The following HS6ST2 variants were observed in gnomAD, a reference collection of about 807,000 sequenced individuals.
HS6ST2 encodes the protein heparan-sulfate 6-O-sulfotransferase 2.
Under a neutral mutation model 33.0 loss-of-function variants are expected in HS6ST2, and 17 were observed. That is an observed-to-expected ratio of 0.52 (90% CI 0.35 to 0.77). The LOEUF (loss-of-function observed/expected upper bound fraction) is 0.77. Among genes scored for constraint, HS6ST2 ranks in the 30% least tolerant of loss-of-function variants. The probability of loss-of-function intolerance (pLI) is 0.01; values close to 1 mark genes in which losing one functional copy is unlikely to be tolerated. For missense variants in HS6ST2, 519 were observed against 551.7 expected (o/e 0.94, Z 0.59); for synonymous variants, 248 against 237.1 (o/e 1.05, Z -0.42).
At position 132,861,626 on chromosome X, in the gene HS6ST2, A is replaced by T. The variant is rs774499507; in HGVS notation, c.947+95182T>A. Among the ~76,000 whole-genome samples the T allele has an allele frequency of 2.7e-5, 3 of 112,642 alleles. No homozygotes were observed. The East Asian group carries it at 8.3e-4, about 31-fold the overall frequency. On this transcript the variant is annotated intron_variant, in intron 2 of 4. Coordinates refer to ENST00000370833, the MANE Select transcript of HS6ST2 (RefSeq NM_001394073.1). ...GCTAATTCAAAAGGCATAAGATGCT[A>T]TCTTGTCATCACTTAATTTGTACCT...
At chrX:132,928,700 T>C (rs1448972408) in intron 2 of HS6ST2, among the ~76,000 whole-genome samples, 3 of 111,163 alleles carry the variant, frequency 2.7e-5, no homozygotes, top group Non-Finnish European at 5.7e-5. Context: ...ACCTTTATCA[T>C]AGCACCGAAT....
chrX:132,907,850 T>C (rs910630768), intron 2 of HS6ST2, among the ~76,000 whole-genome samples: 6 of 112,419 alleles, frequency 5.3e-5, no homozygotes, highest in Admixed American at 2.8e-4. Context: ...TAAATCTTCA[T>C]GTCCTTGGAT....
chrX:132,871,380 C>G (rs992152077), intron 2 of HS6ST2, among the ~76,000 whole-genome samples: 13 of 112,006 alleles, frequency 1.2e-4, no homozygotes, highest in Non-Finnish European at 5.6e-5. Context: ...GGCAATTCCT[C>G]AAGGATCTAG....
intron 2 of HS6ST2, among the ~76,000 whole-genome samples, chrX:132,753,851 A>C (rs757227420): frequency 1.3e-3 from 144 of 112,111 alleles, no homozygotes; most frequent in Non-Finnish European, 2.1e-3. Flanking sequence ...TTTTCAAAGA[A>C]TGTTTTGTAT....
chrX:132,873,104 C>T (rs139414240), intron 2 of HS6ST2, among the ~76,000 whole-genome samples: 1 of 111,689 alleles, frequency 9.0e-6, no homozygotes, highest in African/African-American at 3.3e-5. Flanking sequence ...CTGGTAAACA[C>T]TGAAATATGT....
chrX:132,813,187 T>C (rs2065364908), intron 2 of HS6ST2, among the ~76,000 whole-genome samples: 1 of 111,673 alleles, frequency 9.0e-6, no homozygotes, highest in Non-Finnish European at 1.9e-5. Flanking sequence ...TATTACTCAA[T>C]AACCTCTTTA....
intron 4 of HS6ST2, among the ~76,000 whole-genome samples, chrX:132,657,329 G>C (rs2063737704): frequency 9.0e-6 from 1 of 111,240 alleles, no homozygotes; most frequent in Non-Finnish European, 1.9e-5. Flanking sequence ...ACAAAGCTGG[G>C]TATGTGTAGT....
At position 132,839,307 on chromosome X, in the gene HS6ST2, TATATATATAC is replaced by T. The variant is rs1214211730; in HGVS notation, c.947+117491_947+117500del. Among the ~76,000 whole-genome samples the T allele has an allele frequency of 1.1e-3, 30 of 26,289 alleles. 2 individuals are homozygous for T. Among genetic ancestry groups the T allele is most frequent in the African/African-American group, 5.3e-3 (18 of 3,405 alleles). 22.8% of individuals were successfully genotyped at this position (26,289 alleles called of 115,157 possible). On this transcript the variant is annotated intron_variant, in intron 2 of 4. Coordinates refer to ENST00000370833, the MANE Select transcript of HS6ST2 (RefSeq NM_001394073.1). ...ATATATATATATATATATATATATA[TATATATATAC>T]ACACACATGTATGTATATACACACA...
chrX:132,743,849 C>T (rs2064607951), intron 2 of HS6ST2, among the ~76,000 whole-genome samples: 1 of 111,912 alleles, frequency 8.9e-6, no homozygotes, highest in Admixed American at 9.5e-5. Flanking sequence ...CTTACTGCAG[C>T]CTCAATCTCC....
At chrX:132,902,844 A>G (rs986807244) in intron 2 of HS6ST2, among the ~76,000 whole-genome samples, 11 of 69,141 alleles carry the variant, frequency 1.6e-4, no homozygotes, top group African/African-American at 6.1e-4. Flanking sequence ...CACAACTAAC[A>G]TCAGACTCCA....
intron 2 of HS6ST2, among the ~76,000 whole-genome samples, chrX:132,880,993 G>A (rs377078596): frequency 1.0e-4 from 11 of 110,048 alleles, no homozygotes; most frequent in African/African-American, 3.3e-4. Context: ...TCCATGGTGT[G>A]TATGTGCCAC....
At chrX:132,745,954 T>C (rs2064636044) in intron 2 of HS6ST2, among the ~76,000 whole-genome samples, 1 of 111,890 alleles carries the variant, frequency 8.9e-6, no homozygotes, top group Non-Finnish European at 1.9e-5. Flanking sequence ...TAAAAAGGTT[T>C]GAATGTGCAG....
upstream of HS6ST2, among the ~76,000 whole-genome samples, chrX:132,960,840 T>C (rs1218671529): frequency 8.9e-6 from 1 of 111,923 alleles, no homozygotes; most frequent in African/African-American, 3.2e-5. Context: ...TCAGGGCTCC[T>C]GGAAGTATAA....
At chrX:132,787,238 T>C (rs1424088408) in intron 2 of HS6ST2, among the ~76,000 whole-genome samples, 3 of 88,468 alleles carry the variant, frequency 3.4e-5, no homozygotes, top group Non-Finnish European at 4.2e-5. Flanking sequence ...CACATATATA[T>C]ACATATATGT....
Position 132,734,011 on chromosome X carries a change from G to A in HS6ST2, c.948-25517C>T, listed in dbSNP as rs780479144. 4.9e-5 allele frequency among the ~76,000 whole-genome samples: 5 copies of A among 101,626 alleles called. No individual in the cohort carries two copies. The South Asian group carries it at 2.5e-3, about 51-fold the overall frequency. 88.2% of individuals were successfully genotyped at this position (101,626 alleles called of 115,157 possible). A position where few individuals can be genotyped will look rare whatever the true frequency, so the allele number is the denominator to read the frequency against. ...AGTAAAAAAAAAAGCAACAGTCTAG[G>A]AATCTTAGACTTGAGTTCTAGTCTC... On this transcript the variant is annotated intron_variant, in intron 2 of 4. Coordinates refer to ENST00000370833, the MANE Select transcript of HS6ST2 (RefSeq NM_001394073.1).
At chrX:132,786,862 T>A (rs781166517) in intron 2 of HS6ST2, among the ~76,000 whole-genome samples, 16 of 108,368 alleles carry the variant, frequency 1.5e-4, no homozygotes, top group Non-Finnish European at 2.9e-4. Flanking sequence ...CCTCAGGCAA[T>A]CCACTCGCCT....
intron 2 of HS6ST2, among the ~76,000 whole-genome samples, chrX:132,918,849 T>C (rs1012416290): frequency 2.7e-5 from 3 of 112,062 alleles, no homozygotes; most frequent in Non-Finnish European, 5.6e-5. Context: ...CACCTTCAGA[T>C]TGACCATAGG....
At chrX:132,774,132 G>A (rs1208443652) in intron 2 of HS6ST2, among the ~76,000 whole-genome samples, 2 of 112,391 alleles carry the variant, frequency 1.8e-5, no homozygotes, top group Non-Finnish European at 3.8e-5. Flanking sequence ...AACATCTACT[G>A]TGTTCCAGAC....
chrX:132,744,692 G>C (rs748978180), intron 2 of HS6ST2, among the ~76,000 whole-genome samples: 13 of 111,120 alleles, frequency 1.2e-4, no homozygotes, highest in East Asian at 2.8e-4. Flanking sequence ...ACATTGACAG[G>C]GTGCCCCAGG....
Sources: gnomAD v4.1 joint callset for allele counts (sites outside exome capture counted in the v4.1 genomes callset) on GRCh38, gnomAD v4.1.1 for gene constraint, MANE v1.5 for transcripts, NCBI Gene and HGNC (gene_info 2026-07-23, HGNC 2026-07-21) for gene names.